NUP58: variants seen among roughly 807,000 people sequenced by gnomAD.
NUP58 encodes the protein nucleoporin 58.
A neutral mutation model predicts 70.1 loss-of-function variants in NUP58; 17 were observed. That is an observed-to-expected ratio of 0.24 (90% confidence interval 0.17 to 0.36). NUP58 has a LOEUF of 0.36. Ranked by LOEUF, NUP58 falls within the 10% of genes least tolerant of loss-of-function variation. NUP58 has a pLI of 1.00. For synonymous variants in NUP58, 275 were observed against 257.6 expected (o/e 1.07, Z -0.65); for missense variants, 644 against 701.5 (o/e 0.92, Z 0.93).
At chr13:25,330,715 A>T (rs763552248) in intron 12 of NUP58, among the ~76,000 whole-genome samples, 1 of 152,168 alleles carries the variant, frequency 6.6e-6, no homozygotes. Context: ...CTGGAGTTAC[A>T]AACACTTTTT....
rs73470449 is a variant in NUP58 at position 25,324,420 on chromosome 13, T to G, written c.952-569T>G. Among the ~76,000 whole-genome samples the G allele has an allele frequency of 5.0e-3, 759 of 152,298 alleles. 4 individuals are homozygous for G. The highest frequency in any genetic ancestry group is 0.017 in the African/African-American group (710 of 41,562). On this transcript the variant is annotated intron_variant, in intron 9 of 15. Coordinates refer to ENST00000381736, the MANE Select transcript of NUP58 (RefSeq NM_014089.4). ...AAAGCAATATAAGAATGGTTGAGTG[T>G]GTAAGCTTTAAAAGATCCAGTTCTT... is the stretch of plus-strand genomic sequence containing the variant.
chr13:25,340,222 C>T lies in NUP58; in HGVS notation c.*88C>T. On this transcript the variant is annotated 3_prime_UTR_variant, in exon 16 of 16. Coordinates refer to ENST00000381736, the MANE Select transcript of NUP58 (RefSeq NM_014089.4). ...TAATGATGCAGTAATTAAATTGCATCCCAGGAGATTTATAAAGTTTTGATA... is the reference window on the plus strand; with the variant it reads ...TAATGATGCAGTAATTAAATTGCATTCCAGGAGATTTATAAAGTTTTGATA... The T allele has an allele frequency of 8.4e-7, 1 of 1,190,570 alleles. No homozygotes were observed. The highest frequency in any genetic ancestry group is 1.1e-6 in the Non-Finnish European group (1 of 894,228). 73.8% of individuals were successfully genotyped at this position (1,190,570 alleles called of 1,614,324 possible). A position where few individuals can be genotyped will look rare whatever the true frequency, so the allele number is the denominator to read the frequency against.
intron 14 of NUP58, 55 bp from the exon 15 acceptor site, chr13:25,338,581 C>A: frequency 7.6e-7 from 1 of 1,307,842 alleles, no homozygotes; most frequent in Non-Finnish European, 1.1e-6. Flanking sequence ...TTGTCCATAT[C>A]CTTTAACCTG....
intron 13 of NUP58, chr13:25,332,969 T>C (rs1199438155): frequency 5.1e-6 from 5 of 985,198 alleles, no homozygotes; most frequent in African/African-American, 1.7e-5. Context: ...CTAAAGTAGA[T>C]AAGTGTAGAT....
At chr13:25,308,085 T>C in intron 2 of NUP58, 137 bp downstream of exon 2, 1 of 937,502 alleles carries the variant, frequency 1.1e-6, no homozygotes. Flanking sequence ...TGAAAAGAAA[T>C]GCAAGGAATT....
chr13:25,338,889 T>G (rs918604682), intron 15 of NUP58, 158 bp downstream of exon 15: 7 of 505,326 alleles, frequency 1.4e-5, no homozygotes, highest in African/African-American at 1.2e-4. Context: ...TCATTTTACT[T>G]TATCTCTCTC....
In NUP58 at chr13:25,341,409, A is replaced by G. The variant is rs1179135686; in HGVS notation, c.*1275A>G. 6.6e-6 allele frequency: 1 copy of G among 152,576 alleles called. No individual in the cohort carries two copies. The highest frequency in any genetic ancestry group is 1.5e-5 in the Non-Finnish European group (1 of 68,028). 9.5% of individuals were successfully genotyped at this position (152,576 alleles called of 1,614,324 possible). On this transcript the variant is annotated 3_prime_UTR_variant, in exon 16 of 16. Coordinates refer to ENST00000381736, the MANE Select transcript of NUP58 (RefSeq NM_014089.4). ...GCACTAAAGTTCTCACTTTAGTGAGAACTTTTCTAGCTATTCCAATACAGA... is the reference window on the plus strand; with the variant it reads ...GCACTAAAGTTCTCACTTTAGTGAGGACTTTTCTAGCTATTCCAATACAGA...
At chr13:25,315,658 G>C (rs1459357373) in intron 6 of NUP58, among the ~76,000 whole-genome samples, 191 bp downstream of exon 6, 1 of 140,276 alleles carries the variant, frequency 7.1e-6, no homozygotes, top group Non-Finnish European at 1.6e-5. Flanking sequence ...TTTGTAGTCT[G>C]TTCTTATCTA....
At chr13:25,326,655 A>G (rs944388239) in intron 10 of NUP58, among the ~76,000 whole-genome samples, 7 of 152,194 alleles carry the variant, frequency 4.6e-5, no homozygotes, top group African/African-American at 1.7e-4. Flanking sequence ...TTACAATATT[A>G]TTAACTAAAC....
chr13:25,317,375 A>C (rs1177006940), intron 6 of NUP58, among the ~76,000 whole-genome samples: 8 of 152,176 alleles, frequency 5.3e-5, no homozygotes. Flanking sequence ...GCATTCTGAC[A>C]GCCATATGGA....
chr13:25,342,458 A>G (rs200560599), downstream of NUP58: 1 of 150,710 alleles, frequency 6.6e-6, no homozygotes, highest in Non-Finnish European at 1.5e-5. Context: ...ATGTAATTTT[A>G]TTATTGCTCT....
intron 1 of NUP58, 54 bp from the exon 2 acceptor site, chr13:25,307,752 T>G (rs2030442975): frequency 3.8e-6 from 6 of 1,578,788 alleles, no homozygotes; most frequent in Non-Finnish European, 3.5e-6. Context: ...TTGGCTCTAG[T>G]AGACCTCCTT....
chr13:25,331,955 G>T, intron 13 of NUP58: 1 of 1,044,680 alleles, frequency 9.6e-7, no homozygotes, highest in Non-Finnish European at 1.2e-6. Flanking sequence ...GATACTGATA[G>T]GTGGTGCATT....
At chr13:25,335,982 A>G in intron 13 of NUP58, 9 of 1,108,292 alleles carry the variant, frequency 8.1e-6, no homozygotes, top group Non-Finnish European at 1.0e-5. Flanking sequence ...TTTTAAAAAA[A>G]AAAAATAGTA....
chr13:25,301,975 G>A (rs1417550379), intron 1 of NUP58, 95 bp downstream of exon 1: 13 of 807,240 alleles, frequency 1.6e-5, no homozygotes, highest in Middle Eastern at 2.3e-4. Flanking sequence ...CTTCCCTCTG[G>A]CTTCCTTCCC....
chr13:25,333,890 G>T, intron 13 of NUP58: 1 of 985,266 alleles, frequency 1.0e-6, no homozygotes, highest in Non-Finnish European at 1.2e-6. Context: ...TTATCAGAAG[G>T]GTTTTGCTTT....
intron 9 of NUP58, among the ~76,000 whole-genome samples, chr13:25,322,435 T>C (rs2031224832): frequency 6.6e-6 from 1 of 152,228 alleles, no homozygotes; most frequent in Non-Finnish European, 1.5e-5. Context: ...AATATGAATG[T>C]AATACAGGTT....
rs1362203086 is a variant in NUP58 at position 25,333,840 on chromosome 13, TTGTTTTTATACATCAC to T, written c.1435+2287_1435+2302del. The T allele has an allele frequency of 1.8e-5, 18 of 985,452 alleles. No individual in the cohort carries two copies. In the Admixed American group the frequency reaches 3.1e-4, roughly 17 times the overall value. The allele number at this position is 985,452 out of a possible 1,614,324, so 61.0% of individuals were successfully genotyped here. The stretch of plus-strand genomic sequence containing the variant: ...GATGAGGGTAGAGAGAGCTTATGCA[TTGTTTTTATACATCAC>T]TGTTGATCTATACAAGATTTGAGTT... On this transcript the variant is annotated intron_variant, in intron 13 of 15. Transcript: ENST00000381736.
chr13:25,304,352 A>G (rs541135470), intron 1 of NUP58, among the ~76,000 whole-genome samples: 1 of 151,776 alleles, frequency 6.6e-6, no homozygotes, highest in East Asian at 1.9e-4. Context: ...AGTAAATTTC[A>G]CTGCCACCAA....
Sources: allele counts gnomAD v4.1 joint callset (sites outside exome capture counted in the v4.1 genomes callset), GRCh38; gene constraint gnomAD v4.1.1; transcripts MANE v1.5; gene names NCBI Gene and HGNC (gene_info 2026-07-23, HGNC 2026-07-21).